ATP9A: variants seen among roughly 807,000 people sequenced by gnomAD.
ATP9A encodes the protein ATPase phospholipid transporting 9A, also known as probable phospholipid-transporting ATPase IIA.
In ATP9A, 52 loss-of-function variants were observed where a neutral mutation model predicts 144.1. The ratio of observed to expected loss-of-function variants is 0.36; its 90% confidence interval spans 0.29 to 0.45. The LOEUF is 0.45. Ranked by LOEUF, ATP9A falls within the 20% of genes least tolerant of loss-of-function variation. The pLI, the probability that ATP9A is intolerant of heterozygous loss-of-function variation, is 1.00. For synonymous variants in ATP9A, 582 were observed against 557.4 expected (o/e 1.04, Z -0.62); for missense variants, 947 against 1,392.7 (o/e 0.68, Z 5.09).
intron 1 of ATP9A, among the ~76,000 whole-genome samples, chr20:51,730,922 A>G (rs1368149711): frequency 6.6e-6 from 1 of 152,216 alleles, no homozygotes; most frequent in African/African-American, 2.4e-5. Flanking sequence ...TAATCCCAAC[A>G]CTTTGGGAGG....
chr20:51,678,819 A>G (rs1364573712), intron 9 of ATP9A, among the ~76,000 whole-genome samples: 1 of 152,174 alleles, frequency 6.6e-6, no homozygotes, highest in African/African-American at 2.4e-5. Context: ...ATGCCATCAA[A>G]TGCTGCTGAA....
intron 10 of ATP9A, among the ~76,000 whole-genome samples, chr20:51,674,791 G>A (rs1481973153): frequency 1.3e-5 from 2 of 152,056 alleles, no homozygotes; most frequent in East Asian, 1.9e-4. Flanking sequence ...GGTGGCACCC[G>A]ATTTTTAGGT....
intron 23 of ATP9A, among the ~76,000 whole-genome samples, chr20:51,612,952 G>C (rs2077190191): frequency 6.6e-6 from 1 of 152,158 alleles, no homozygotes; most frequent in Non-Finnish European, 1.5e-5. Flanking sequence ...AGTGGACACG[G>C]TCCCAGGCCC....
chr20:51,696,669 A>G (rs1221075741), intron 5 of ATP9A, among the ~76,000 whole-genome samples: 3 of 152,228 alleles, frequency 2.0e-5, no homozygotes, highest in Non-Finnish European at 4.4e-5. Context: ...AAAGTATGTG[A>G]TAACATAGAT....
At chr20:51,682,362 G>A (rs192139643) in intron 9 of ATP9A, among the ~76,000 whole-genome samples, 94 of 152,216 alleles carry the variant, frequency 6.2e-4, no homozygotes, top group Non-Finnish European at 2.2e-4. Flanking sequence ...CACAAAAAAT[G>A]AAGTACGTCC....
chr20:51,669,913 C>A, intron 13 of ATP9A, 84 bp downstream of exon 13: 1 of 916,782 alleles, frequency 1.1e-6, no homozygotes, highest in Non-Finnish European at 1.8e-6. Flanking sequence ...GTGAATTGTA[C>A]GGTATTGTGA....
At chr20:51,626,966 A>G (rs1282996398) in intron 17 of ATP9A, among the ~76,000 whole-genome samples, 1 of 151,604 alleles carries the variant, frequency 6.6e-6, no homozygotes, top group East Asian at 1.9e-4. Context: ...CCGAGGCAGA[A>G]GGATCCCTTG....
intron 13 of ATP9A, among the ~76,000 whole-genome samples, chr20:51,659,993 T>C (rs2077404467): frequency 6.6e-6 from 1 of 152,338 alleles, no homozygotes; most frequent in South Asian, 2.1e-4. Context: ...TGCCGAGTGC[T>C]TTTAATTATA....
intron 3 of ATP9A, among the ~76,000 whole-genome samples, 180 bp downstream of exon 3, chr20:51,725,639 G>A (rs2077708885): frequency 6.6e-6 from 1 of 152,192 alleles, no homozygotes; most frequent in Non-Finnish European, 1.5e-5. Flanking sequence ...GTTTGATCCA[G>A]GCGGTATATG....
chr20:51,696,221 C>G, intron 5 of ATP9A, 77 bp from the exon 6 acceptor site: 1 of 1,338,556 alleles, frequency 7.5e-7, no homozygotes, highest in Non-Finnish European at 1.1e-6. Flanking sequence ...GCTTCCGCCC[C>G]CACCCCCAAC....
intron 18 of ATP9A, 26 bp from the exon 19 acceptor site, chr20:51,622,198 C>A (rs2077229789): frequency 1.2e-6 from 2 of 1,600,784 alleles, no homozygotes; most frequent in African/African-American, 2.7e-5. Flanking sequence ...GACAGAGGTC[C>A]TGTTTATTAG....
chr20:51,688,487 G>A (rs758154001), intron 9 of ATP9A, among the ~76,000 whole-genome samples: 2 of 152,120 alleles, frequency 1.3e-5, no homozygotes, highest in African/African-American at 2.4e-5. Context: ...AGCTACTTGG[G>A]AGACTGAGAC....
chr20:51,608,041 C>G (rs1274979257), intron 25 of ATP9A, among the ~76,000 whole-genome samples: 1 of 104,072 alleles, frequency 9.6e-6, no homozygotes, highest in Non-Finnish European at 2.2e-5. Flanking sequence ...GAGAATTAGT[C>G]TCAAAAAAAA....
intron 13 of ATP9A, 51 bp downstream of exon 13, chr20:51,669,945 TA>T (rs5841856): frequency 1.4e-3 from 1,454 of 1,027,262 alleles, no homozygotes; most frequent in South Asian, 1.9e-3. Flanking sequence ...ATATAGCTGT[TA>T]AAAAAAAAAA....
rs73267742 is a variant in ATP9A, at chr20:51,614,038, A to G, written c.2416-206T>C. Reference sequence around the variant, plus strand: ...TTTATTTAAATAAAAACCATTCCGAATCACATATAGTTATAATTTGGACGT... The same window carrying G: ...TTTATTTAAATAAAAACCATTCCGAGTCACATATAGTTATAATTTGGACGT... On this transcript the variant is annotated intron_variant, in intron 22 of 27. Transcript: ENST00000338821. 8.7e-3 allele frequency among the ~76,000 whole-genome samples: 1,330 copies of G among 152,334 alleles called. 21 individuals are homozygous for G. The highest frequency in any genetic ancestry group is 0.031 in the African/African-American group (1,271 of 41,568).
rs929290372 is a variant in ATP9A, at chr20:51,647,961, C to T, written c.1507-8457G>A. On this transcript the variant is annotated intron_variant, in intron 14 of 27. Coordinates refer to ENST00000338821, the MANE Select transcript of ATP9A (RefSeq NM_006045.3). ...ACAATCCTGTTTTGAGACCCCACTTCGGTGGTTAATCAATAATACTGATGG... is the reference window on the plus strand; with the variant it reads ...ACAATCCTGTTTTGAGACCCCACTTTGGTGGTTAATCAATAATACTGATGG... Among the ~76,000 whole-genome samples the T allele has an allele frequency of 2.0e-5, 3 of 152,274 alleles. No homozygotes were observed. In the South Asian group the frequency reaches 6.2e-4, roughly 32 times the overall value.
intron 9 of ATP9A, 145 bp downstream of exon 9, chr20:51,688,919 T>G: frequency 2.2e-6 from 2 of 927,170 alleles, no homozygotes; most frequent in Non-Finnish European, 3.4e-6. Context: ...AGATGTCAGT[T>G]TAATTCCCTG....
intron 1 of ATP9A, among the ~76,000 whole-genome samples, chr20:51,736,532 T>C (rs2122883063): frequency 6.6e-6 from 1 of 152,122 alleles, no homozygotes. Flanking sequence ...TTTTTCCTTT[T>C]TCTGGAGAAC....
chr20:51,726,075 A>G (rs1376847253), intron 2 of ATP9A, 143 bp from the exon 3 acceptor site: 4 of 622,280 alleles, frequency 6.4e-6, no homozygotes, highest in Non-Finnish European at 1.1e-5. Flanking sequence ...GAACTTTGGG[A>G]GGCCGAGGCG....
Sources: gnomAD v4.1 joint callset for allele counts (sites outside exome capture counted in the v4.1 genomes callset) on GRCh38, gnomAD v4.1.1 for gene constraint, MANE v1.5 for transcripts, NCBI Gene and HGNC (gene_info 2026-07-23, HGNC 2026-07-21) for gene names.